The following MAF variants were observed in gnomAD, a reference collection of about 807,000 sequenced individuals.
The protein encoded by MAF is transcription factor Maf.
In MAF, 10 loss-of-function variants were observed where a neutral mutation model predicts 22.0. That is an observed-to-expected ratio of 0.45 (90% CI 0.28 to 0.77). The LOEUF (loss-of-function observed/expected upper bound fraction) is 0.77, where lower values mean the gene tolerates loss of function less well. Among genes scored for constraint, MAF ranks in the 30% least tolerant of loss-of-function variants. The probability of loss-of-function intolerance (pLI) is 0.12; values close to 1 mark genes in which losing one functional copy is unlikely to be tolerated. For missense variants in MAF, 544 were observed against 548.4 expected (o/e 0.99, Z 0.08); for synonymous variants, 337 against 255.8 (o/e 1.32, Z -3.03).
At chr16:79,321,845 G>A in the MAF span, among the ~76,000 whole-genome samples, 4 of 151,776 alleles carry the variant, frequency 2.6e-5, no homozygotes, top group Non-Finnish European at 5.9e-5. Flanking sequence ...GTGAACCACC[G>A]TGCCCGGCTG....
At chr16:79,440,994 G>A in the MAF span, among the ~76,000 whole-genome samples, 5 of 152,290 alleles carry the variant, frequency 3.3e-5, no homozygotes, top group East Asian at 7.7e-4. Context: ...GAGTCGTAAT[G>A]TCCTATCACC....
chr16:79,443,872 G>T, the MAF span, among the ~76,000 whole-genome samples: 6 of 150,888 alleles, frequency 4.0e-5, no homozygotes, highest in Non-Finnish European at 5.9e-5. Context: ...AAAAACACAC[G>T]GAATATGTCC....
the MAF span, among the ~76,000 whole-genome samples, chr16:79,284,689 C>T: frequency 6.6e-6 from 1 of 152,190 alleles, no homozygotes; most frequent in Non-Finnish European, 1.5e-5. Flanking sequence ...CTGTGCAGGG[C>T]TGGTGTCACA....
At chr16:79,576,231 T>TTA in the MAF span, among the ~76,000 whole-genome samples, 1 of 43,012 alleles carries the variant, frequency 2.3e-5, no homozygotes, top group Non-Finnish European at 4.8e-5. Context: ...CCTGTGGTAC[T>TTA]AAAAAAAAAA....
chr16:79,306,915 C>A, the MAF span, among the ~76,000 whole-genome samples: 1 of 152,162 alleles, frequency 6.6e-6, no homozygotes, highest in African/African-American at 2.4e-5. Flanking sequence ...ACTAAATTGG[C>A]TATTTTGTGA....
chr16:79,567,287 T>C, the MAF span, among the ~76,000 whole-genome samples: 3 of 151,638 alleles, frequency 2.0e-5, no homozygotes, highest in African/African-American at 7.3e-5. Context: ...CATTGCACTG[T>C]AGCCTGGGTG....
chr16:79,217,753 C>A, the MAF span, among the ~76,000 whole-genome samples: 3 of 152,134 alleles, frequency 2.0e-5, no homozygotes, highest in African/African-American at 7.2e-5. Flanking sequence ...TAAGGGAGAC[C>A]TTGCTGCAAC....
chr16:79,497,278 T>C, the MAF span, among the ~76,000 whole-genome samples: 1 of 152,204 alleles, frequency 6.6e-6, no homozygotes, highest in Non-Finnish European at 1.5e-5. Context: ...TAAGGCTGTT[T>C]TCACTGCTAT....
the MAF span, among the ~76,000 whole-genome samples, chr16:79,220,195 G>A: frequency 6.9e-6 from 1 of 145,646 alleles, no homozygotes; most frequent in Non-Finnish European, 1.5e-5. Context: ...GGTGGAAGCT[G>A]CTGTGAGCTC....
chr16:79,268,016 G>A, the MAF span, among the ~76,000 whole-genome samples: 16 of 152,100 alleles, frequency 1.1e-4, no homozygotes, highest in African/African-American at 2.9e-4. Context: ...CTGTCCGGGT[G>A]GCACTGAGTC....
intron 1 of MAF, chr16:79,597,277 G>C: frequency 9.6e-7 from 1 of 1,044,722 alleles, no homozygotes. Flanking sequence ...TTTTAACTGG[G>C]CTAACAGATT....
chr16:79,213,122 C>T, the MAF span, among the ~76,000 whole-genome samples: 7 of 152,206 alleles, frequency 4.6e-5, no homozygotes, highest in Non-Finnish European at 7.4e-5. Context: ...ATTTCCAGCC[C>T]GTTCCAGCAA....
the MAF span, among the ~76,000 whole-genome samples, chr16:79,439,257 CTTTTTTT>C: frequency 4.6e-5 from 6 of 130,810 alleles, no homozygotes; most frequent in South Asian, 5.0e-4. Context: ...TAGGTACTTA[CTTTTTTT>C]TTTTTTTTTT....
the MAF span, among the ~76,000 whole-genome samples, chr16:79,484,751 G>C: frequency 1.3e-5 from 2 of 152,246 alleles, no homozygotes; most frequent in African/African-American, 4.8e-5. Context: ...GCTAGAGCCG[G>C]TGGAGCAGCT....
chr16:79,237,985 TG>T, the MAF span, among the ~76,000 whole-genome samples: 1 of 152,082 alleles, frequency 6.6e-6, no homozygotes, highest in Non-Finnish European at 1.5e-5. Flanking sequence ...CCTCCTGACT[TG>T]CTTCTCTACT....
chr16:79,404,164 C>CATTTT, the MAF span, among the ~76,000 whole-genome samples: 4 of 122,092 alleles, frequency 3.3e-5, no homozygotes, highest in African/African-American at 1.2e-4. Context: ...TCTGGATTTT[C>CATTTT]TTTTTTTTTT....
chr16:79,211,502 C>T, the MAF span: 2 of 1,452,050 alleles, frequency 1.4e-6, no homozygotes, highest in African/African-American at 2.8e-5. Flanking sequence ...CCAGCTGAAA[C>T]TGAACCAGGT....
chr16:79,286,134 C>G, the MAF span, among the ~76,000 whole-genome samples: 1,716 of 152,026 alleles, frequency 0.011, 32 homozygotes, highest in African/African-American at 0.039. Context: ...ACTAGTCAGC[C>G]CTTAATAAGC....
the MAF span, among the ~76,000 whole-genome samples, chr16:79,351,766 C>A: frequency 6.6e-6 from 1 of 152,022 alleles, no homozygotes; most frequent in Non-Finnish European, 1.5e-5. Flanking sequence ...TTTCCAGTGA[C>A]AAGTGTCGGG....
Sources: gnomAD v4.1 joint callset for allele counts (sites outside exome capture counted in the v4.1 genomes callset) on GRCh38, gnomAD v4.1.1 for gene constraint, MANE v1.5 for transcripts, NCBI Gene and HGNC (gene_info 2026-07-23, HGNC 2026-07-21) for gene names.